The following ARHGAP15 variants were observed in gnomAD, a reference collection of about 807,000 sequenced individuals.
ARHGAP15 encodes rho GTPase-activating protein 15.
ARHGAP15 carries 51 observed loss-of-function variants against 63.7 expected under a neutral mutation model. The ratio of observed to expected loss-of-function variants is 0.80; its 90% CI spans 0.64 to 1.01. ARHGAP15 has a LOEUF of 1.01. ARHGAP15 is among the 50% of genes least tolerant of loss of function. The pLI, the probability that ARHGAP15 is intolerant of heterozygous loss-of-function variation, is 0.00. For synonymous variants in ARHGAP15, 191 were observed against 193.8 expected (o/e 0.99, Z 0.12); for missense variants, 560 against 564.6 (o/e 0.99, Z 0.08).
chr2:143,324,191 A>G (rs1174061514), intron 6 of ARHGAP15, among the ~76,000 whole-genome samples: 1 of 152,214 alleles, frequency 6.6e-6, no homozygotes, highest in Admixed American at 6.5e-5. Context: ...ACACAAAACT[A>G]CAAGGAGAAC....
chr2:143,320,701 C>CG (rs1558890637), intron 6 of ARHGAP15, among the ~76,000 whole-genome samples: 1 of 151,870 alleles, frequency 6.6e-6, no homozygotes, highest in African/African-American at 2.4e-5. Flanking sequence ...ATTCTCCCAG[C>CG]AAAAATAGGG....
chr2:143,731,109 G>A (rs991695732), intron 13 of ARHGAP15, among the ~76,000 whole-genome samples: 3 of 151,930 alleles, frequency 2.0e-5, no homozygotes, highest in East Asian at 1.9e-4. Context: ...CGCTAGAAAG[G>A]AAACTGCTCA....
intron 13 of ARHGAP15, among the ~76,000 whole-genome samples, chr2:143,732,910 GTTTT>G (rs35876339): frequency 2.0e-4 from 25 of 122,004 alleles, no homozygotes; most frequent in East Asian, 7.2e-4. Context: ...TTGTTTTTGG[GTTTT>G]TTTTTTTTTT....
At chr2:143,550,129 A>G (rs191489262) in intron 10 of ARHGAP15, among the ~76,000 whole-genome samples, 5 of 152,238 alleles carry the variant, frequency 3.3e-5, no homozygotes, top group South Asian at 2.1e-4. Context: ...TTTTACTGCT[A>G]TAAGTTTAAA....
intron 13 of ARHGAP15, among the ~76,000 whole-genome samples, chr2:143,717,020 G>A (rs1366349778): frequency 6.6e-6 from 1 of 152,146 alleles, no homozygotes; most frequent in Non-Finnish European, 1.5e-5. Flanking sequence ...CATTTTTAGG[G>A]GTCCTTTTTA....
intron 5 of ARHGAP15, among the ~76,000 whole-genome samples, chr2:143,232,130 T>C (rs1429680103): frequency 6.6e-6 from 1 of 152,196 alleles, no homozygotes; most frequent in African/African-American, 2.4e-5. Flanking sequence ...GATTCATAGG[T>C]ACCTCAGTGA....
intron 8 of ARHGAP15, among the ~76,000 whole-genome samples, chr2:143,477,691 G>T (rs977368543): frequency 6.6e-6 from 1 of 151,788 alleles, no homozygotes; most frequent in African/African-American, 2.4e-5. Flanking sequence ...AGAATGGGTA[G>T]GAGAGAAAGG....
intron 9 of ARHGAP15, among the ~76,000 whole-genome samples, chr2:143,498,572 A>G (rs557862573): frequency 6.6e-6 from 1 of 152,166 alleles, no homozygotes; most frequent in Non-Finnish European, 1.5e-5. Flanking sequence ...TCCCTTTAAT[A>G]TGTCTTTTCT....
At chr2:143,669,211 A>G (rs565204008) in intron 12 of ARHGAP15, among the ~76,000 whole-genome samples, 2 of 152,346 alleles carry the variant, frequency 1.3e-5, no homozygotes, top group African/African-American at 2.4e-5. Context: ...AATTTCAGGT[A>G]TAGAAAACTT....
intron 13 of ARHGAP15, among the ~76,000 whole-genome samples, chr2:143,743,994 C>T (rs1172914773): frequency 6.6e-6 from 1 of 152,136 alleles, no homozygotes; most frequent in East Asian, 1.9e-4. Context: ...CAGATCATTT[C>T]ATTGTTTAAG....
chr2:143,298,659 AAT>A (rs953833216), intron 6 of ARHGAP15, among the ~76,000 whole-genome samples: 2 of 151,962 alleles, frequency 1.3e-5, no homozygotes, highest in Non-Finnish European at 2.9e-5. Context: ...TTAATCAGAA[AAT>A]ATGTTAATAA....
chr2:143,686,240 T>A (rs1356806810), intron 12 of ARHGAP15, among the ~76,000 whole-genome samples: 1 of 41,210 alleles, frequency 2.4e-5, no homozygotes, highest in Non-Finnish European at 7.7e-5. Flanking sequence ...AACCCCTCTC[T>A]ACTAAAAATA....
chr2:143,311,019 G>A (rs1254733209), intron 6 of ARHGAP15, among the ~76,000 whole-genome samples: 1 of 151,892 alleles, frequency 6.6e-6, no homozygotes, highest in Non-Finnish European at 1.5e-5. Context: ...ACATATCTCT[G>A]GCTATTTTTA....
At chr2:143,366,771 C>G (rs1686311395) in intron 6 of ARHGAP15, among the ~76,000 whole-genome samples, 1 of 151,878 alleles carries the variant, frequency 6.6e-6, no homozygotes, top group African/African-American at 2.4e-5. Flanking sequence ...TTCTTAAAAT[C>G]CAACTTAGAA....
At chr2:143,376,785 A>G (rs1029421055) in intron 6 of ARHGAP15, among the ~76,000 whole-genome samples, 3 of 152,066 alleles carry the variant, frequency 2.0e-5, no homozygotes, top group Admixed American at 6.6e-5. Context: ...TTGAGCCTAT[A>G]ATAAAACATA....
intron 10 of ARHGAP15, among the ~76,000 whole-genome samples, chr2:143,533,731 A>G (rs1394613693): frequency 2.6e-5 from 4 of 152,186 alleles, no homozygotes; most frequent in African/African-American, 7.2e-5. Context: ...TTTTGACTGT[A>G]GCACACTTTG....
In ARHGAP15 at chr2:143,252,619, G is replaced by A. The variant is rs147940960; in HGVS notation, c.474+2019G>A. ...TAACAAACCAAAAGAAAAGATTCAA[G>A]TTTCATGTTCTGTTTCATTCTTTTT... On this transcript the variant is annotated intron_variant, in intron 6 of 13. Coordinates refer to ENST00000295095, the MANE Select transcript of ARHGAP15 (RefSeq NM_018460.4). Among the ~76,000 whole-genome samples the A allele has an allele frequency of 3.6e-3, 552 of 152,028 alleles. 28 individuals carry two copies. The East Asian group carries it at 0.098, about 27-fold the overall frequency.
At chr2:143,559,329 G>A (rs943286344) in intron 11 of ARHGAP15, among the ~76,000 whole-genome samples, 6 of 152,136 alleles carry the variant, frequency 3.9e-5, no homozygotes, top group African/African-American at 9.7e-5. Flanking sequence ...AAACTTCAGC[G>A]TCCTCTGAGG....
chr2:143,183,658 T>C (rs1281383468), intron 2 of ARHGAP15, among the ~76,000 whole-genome samples: 1 of 151,850 alleles, frequency 6.6e-6, no homozygotes, highest in Non-Finnish European at 1.5e-5. Flanking sequence ...TAGGACACTC[T>C]AAAACACTTT....
Sources: allele counts gnomAD v4.1 joint callset (sites outside exome capture counted in the v4.1 genomes callset), GRCh38; gene constraint gnomAD v4.1.1; transcripts MANE v1.5; gene names NCBI Gene and HGNC (gene_info 2026-07-23, HGNC 2026-07-21).